The following MAF variants were observed in gnomAD, a reference collection of about 807,000 sequenced individuals.
The protein encoded by MAF is transcription factor Maf.
MAF carries 10 observed loss-of-function variants against 22.0 expected under a neutral mutation model. The ratio of observed to expected loss-of-function variants is 0.45; its 90% CI spans 0.28 to 0.77. The LOEUF (loss-of-function observed/expected upper bound fraction) is 0.77, where lower values mean the gene tolerates loss of function less well. Among genes scored for constraint, MAF ranks in the 30% least tolerant of loss-of-function variants. The pLI, the probability that MAF is intolerant of heterozygous loss-of-function variation, is 0.12. For synonymous variants in MAF, 337 were observed against 255.8 expected (o/e 1.32, Z -3.03); for missense variants, 544 against 548.4 (o/e 0.99, Z 0.08).
chr16:79,554,838 G>T, the MAF span, among the ~76,000 whole-genome samples: 1 of 152,060 alleles, frequency 6.6e-6, no homozygotes, highest in Non-Finnish European at 1.5e-5. Flanking sequence ...CCTCTCTCTG[G>T]GGTGGAAACT....
At chr16:79,211,605 C>T in the MAF span, 78 of 1,614,160 alleles carry the variant, frequency 4.8e-5, no homozygotes, top group African/African-American at 2.5e-4. Context: ...CTTGGATTTC[C>T]AGCAACAGGG....
chr16:79,461,814 C>T, the MAF span, among the ~76,000 whole-genome samples: 1 of 152,140 alleles, frequency 6.6e-6, no homozygotes, highest in African/African-American at 2.4e-5. Flanking sequence ...GACCCATCCT[C>T]CTATGCCAGT....
chr16:79,521,200 A>C, the MAF span, among the ~76,000 whole-genome samples: 2 of 152,212 alleles, frequency 1.3e-5, no homozygotes, highest in African/African-American at 4.8e-5. Context: ...TTCTAAACCC[A>C]AGCTCCACAG....
rs1913893112 is a variant in MAF at position 79,599,821 on chromosome 16, T to A, written c.82A>T (p.Met28Leu). Residue 28 changes from methionine (M) to leucine (L), a missense_variant, in exon 1 of 2, where the codon ATG becomes TTG. By Grantham distance (15) the Met-to-Leu change is conservative (BLOSUM62 2). Transcript: ENST00000326043. ...GGTTCCTTTTTCACTTCAAACTTCA[T>A]CAGATCGAAGTCATTAACATATTCC... Reference protein sequence around the residue: ...AMEYVNDFDLMKFEVKKEPVE... With the variant: ...AMEYVNDFDLLKFEVKKEPVE... 1.2e-6 allele frequency: 2 copies of A among 1,612,494 alleles called. No individual in the cohort carries two copies. Among genetic ancestry groups the A allele is most frequent in the African/African-American group, 2.7e-5 (2 of 74,874 alleles).
chr16:79,249,437 A>T, the MAF span, among the ~76,000 whole-genome samples: 1 of 140,120 alleles, frequency 7.1e-6, no homozygotes, highest in South Asian at 2.2e-4. Flanking sequence ...AAAAAAAAAA[A>T]GGAGGTTGAA....
At chr16:79,344,703 G>C in the MAF span, among the ~76,000 whole-genome samples, 6 of 152,168 alleles carry the variant, frequency 3.9e-5, no homozygotes, top group Non-Finnish European at 7.3e-5. Context: ...AGAGCTTACT[G>C]AAACACTGAT....
the MAF span, among the ~76,000 whole-genome samples, chr16:79,310,420 G>A: frequency 6.6e-6 from 1 of 152,078 alleles, no homozygotes; most frequent in Admixed American, 6.5e-5. Flanking sequence ...AGAATCAGCT[G>A]GAAAAGCCTC....
At chr16:79,440,538 C>T in the MAF span, among the ~76,000 whole-genome samples, 82 of 152,228 alleles carry the variant, frequency 5.4e-4, no homozygotes, top group African/African-American at 1.9e-3. Flanking sequence ...CAGGTTCAAA[C>T]GATTCTCCTG....
the MAF span, among the ~76,000 whole-genome samples, chr16:79,290,971 T>G: frequency 6.6e-5 from 10 of 152,246 alleles, no homozygotes; most frequent in African/African-American, 2.2e-4. Flanking sequence ...GTGATGCTTA[T>G]TCACAATGAC....
the MAF span, among the ~76,000 whole-genome samples, chr16:79,503,099 A>G: frequency 6.6e-6 from 1 of 152,116 alleles, no homozygotes; most frequent in Admixed American, 6.6e-5. Flanking sequence ...TAAGTTGCTA[A>G]GAAGGACAGC....
chr16:79,246,797 C>T, the MAF span, among the ~76,000 whole-genome samples: 2 of 152,082 alleles, frequency 1.3e-5, no homozygotes, highest in Non-Finnish European at 2.9e-5. Flanking sequence ...AGTGAGGTCA[C>T]TCCAGTTGGA....
Position 79,594,545 on chromosome 16 carries a change from G to T in MAF, c.1127C>A (p.Pro376His), listed in dbSNP as rs1208555979. 6.4e-7 allele frequency: 1 copy of T among 1,561,342 alleles called. No homozygotes were observed. Among genetic ancestry groups the T allele is most frequent in the Admixed American group, 1.9e-5 (1 of 53,018 alleles). Residue 376 changes from proline to histidine, a missense_variant, in exon 2 of 2, where the codon CCC becomes CAC. Coordinates refer to ENST00000326043, the MANE Select transcript of MAF (RefSeq NM_005360.5). ...PSSPEFFITE[P>H]TRKLEPSVGY... ...CACTGATGGCTCCAACTTGCGAGTGGGCTCAGTTCTGTAATTGGAATGAAA... is the reference window on the plus strand; with the variant it reads ...CACTGATGGCTCCAACTTGCGAGTGTGCTCAGTTCTGTAATTGGAATGAAA...
the MAF span, among the ~76,000 whole-genome samples, chr16:79,283,794 C>A: frequency 2.0e-5 from 3 of 152,072 alleles, no homozygotes; most frequent in Non-Finnish European, 4.4e-5. Context: ...TGCTTTGGCA[C>A]TTGCACTACC....
the MAF span, among the ~76,000 whole-genome samples, chr16:79,314,643 G>A: frequency 6.6e-6 from 1 of 152,190 alleles, no homozygotes; most frequent in Non-Finnish European, 1.5e-5. Context: ...AATCTTAGCT[G>A]GAGCAAATGC....
At chr16:79,398,615 G>A in the MAF span, among the ~76,000 whole-genome samples, 1 of 152,082 alleles carries the variant, frequency 6.6e-6, no homozygotes, top group Non-Finnish European at 1.5e-5. Flanking sequence ...GCTGAATTCT[G>A]TGCATTTGTG....
At chr16:79,440,828 T>G in the MAF span, among the ~76,000 whole-genome samples, 1 of 152,236 alleles carries the variant, frequency 6.6e-6, no homozygotes, top group Non-Finnish European at 1.5e-5. Flanking sequence ...TACTCTCATA[T>G]TTACTCACTT....
At chr16:79,526,902 A>T in the MAF span, among the ~76,000 whole-genome samples, 1 of 152,254 alleles carries the variant, frequency 6.6e-6, no homozygotes, top group Non-Finnish European at 1.5e-5. Flanking sequence ...TTTTATAAAT[A>T]AAAATAGAAA....
At chr16:79,473,838 T>TA in the MAF span, among the ~76,000 whole-genome samples, 32 of 152,112 alleles carry the variant, frequency 2.1e-4, no homozygotes, top group Middle Eastern at 3.4e-3. Context: ...GTTTTAAATT[T>TA]AAAAAAAATC....
chr16:79,396,249 G>C, the MAF span, among the ~76,000 whole-genome samples: 20 of 152,238 alleles, frequency 1.3e-4, no homozygotes, highest in African/African-American at 4.8e-4. Flanking sequence ...AAGCCATCCT[G>C]GACCTACCCC....
Sources: gnomAD v4.1 joint callset for allele counts (sites outside exome capture counted in the v4.1 genomes callset) on GRCh38, gnomAD v4.1.1 for gene constraint, MANE v1.5 for transcripts, NCBI Gene and HGNC (gene_info 2026-07-23, HGNC 2026-07-21) for gene names.